The following TRAPPC10 variants were observed in gnomAD, a reference collection of about 807,000 sequenced individuals.
The protein encoded by TRAPPC10 is TRAPP 130 kDa subunit.
A neutral mutation model predicts 125.5 loss-of-function variants in TRAPPC10; 23 were observed. The observed-to-expected ratio is 0.18, with a 90% CI of 0.13 to 0.26. The LOEUF (loss-of-function observed/expected upper bound fraction) is 0.26, where lower values mean the gene tolerates loss of function less well. Ranked by LOEUF, TRAPPC10 falls within the 10% of genes least tolerant of loss-of-function variation. The pLI is 1.00. For missense variants in TRAPPC10, 1,123 were observed against 1,308.4 expected (o/e 0.86, Z 2.19); for synonymous variants, 509 against 518.0 (o/e 0.98, Z 0.24).
At position 44,087,248 on chromosome 21, in the gene TRAPPC10, C is replaced by T. The variant is rs1012816799; in HGVS notation, c.2539+288C>T. Among the ~76,000 whole-genome samples, 1 of 152,136 alleles carries T rather than the reference C, an allele frequency of 6.6e-6. No homozygotes were observed. The highest frequency in any genetic ancestry group is 1.5e-5 in the Non-Finnish European group (1 of 68,018). On this transcript the variant is annotated intron_variant, in intron 16 of 22. Transcript: ENST00000291574. The surrounding 1 kb of genome is among the most constrained non-coding windows in gnomAD (Gnocchi z 4.6). The stretch of plus-strand genomic sequence containing the variant: ...ACGTTCCATGGTGATGCCTGCCAGA[C>T]CCTGTCCCCCTTGGGCTGGCCCTGC...
intron 3 of TRAPPC10, among the ~76,000 whole-genome samples, chr21:44,042,649 C>T (rs1453707521): frequency 6.6e-6 from 1 of 152,092 alleles, no homozygotes; most frequent in South Asian, 2.1e-4. Flanking sequence ...TATCTTACTG[C>T]TTGTGTTGTT....
At chr21:44,065,966 C>G (rs946975254) in intron 7 of TRAPPC10, among the ~76,000 whole-genome samples, 2 of 152,336 alleles carry the variant, frequency 1.3e-5, no homozygotes, top group East Asian at 3.9e-4. Flanking sequence ...TCCCAAAGTG[C>G]TGGGATTACA....
At chr21:44,056,902 G>A (rs1003045158) in intron 5 of TRAPPC10, among the ~76,000 whole-genome samples, 4 of 152,072 alleles carry the variant, frequency 2.6e-5, no homozygotes, top group African/African-American at 9.7e-5. Flanking sequence ...CATATAAGAT[G>A]GCAATGTTTA....
chr21:44,018,315 G>A (rs888540210), intron 1 of TRAPPC10, among the ~76,000 whole-genome samples: 1 of 152,056 alleles, frequency 6.6e-6, no homozygotes. Context: ...CGAGGCGGGA[G>A]GATCACTTGG....
At chr21:44,076,194 A>G (rs904626535) in intron 9 of TRAPPC10, among the ~76,000 whole-genome samples, 13 of 152,250 alleles carry the variant, frequency 8.5e-5, no homozygotes, top group African/African-American at 2.9e-4. Flanking sequence ...TAGTAAATTG[A>G]ATAAATGTTT....
chr21:44,066,046 A>AT (rs963113961), intron 7 of TRAPPC10, among the ~76,000 whole-genome samples: 2 of 151,708 alleles, frequency 1.3e-5, no homozygotes, highest in African/African-American at 2.4e-5. Flanking sequence ...AGTTGTTAGG[A>AT]TTTTTTGGTG....
chr21:44,031,945 G>T (rs545019524), intron 1 of TRAPPC10, 146 bp from the exon 2 acceptor site: 454 of 673,226 alleles, frequency 6.7e-4, no homozygotes, highest in South Asian at 2.8e-3. Context: ...GACGTGTTAT[G>T]TAGAGGCACA....
chr21:44,096,092 T>C (rs1401098889), intron 20 of TRAPPC10, among the ~76,000 whole-genome samples: 1 of 55,646 alleles, frequency 1.8e-5, no homozygotes, highest in Non-Finnish European at 3.6e-5. Context: ...GTGTTTTTGG[T>C]TGTGGCTGTC....
intron 12 of TRAPPC10, 100 bp from the exon 13 acceptor site, chr21:44,079,915 G>A: frequency 1.7e-6 from 2 of 1,182,114 alleles, no homozygotes; most frequent in African/African-American, 1.6e-5. Context: ...AAGCCCTTTG[G>A]CTTTTGAAGC....
intron 15 of TRAPPC10, among the ~76,000 whole-genome samples, chr21:44,084,558 T>C (rs550784344): frequency 6.6e-6 from 1 of 152,330 alleles, no homozygotes; most frequent in East Asian, 1.9e-4. Flanking sequence ...TTTTTTTCTA[T>C]TGGCTCACTC....
At chr21:44,086,249 C>CCTT (rs1359858064) in intron 15 of TRAPPC10, among the ~76,000 whole-genome samples, 1 of 152,224 alleles carries the variant, frequency 6.6e-6, no homozygotes, top group African/African-American at 2.4e-5. Flanking sequence ...ATCTTGCCTG[C>CCTT]CTTCTGTCTT....
chr21:44,032,530 G>A (rs2033670857), intron 2 of TRAPPC10, among the ~76,000 whole-genome samples: 1 of 151,996 alleles, frequency 6.6e-6, no homozygotes, highest in South Asian at 2.1e-4. Context: ...TTACAGGTGT[G>A]CGCTACCGCA....
At position 44,091,905 on chromosome 21, in the gene TRAPPC10, T is replaced by C. The variant is rs761250895; in HGVS notation, c.2871-18T>C. ...GTTCTTACATATCAAAATAATACTT[T>C]TTGTTTTTCCACTTTAGGAAATATG... On this transcript the variant is annotated intron_variant, in intron 18 of 22. Transcript: ENST00000291574. 3 of 1,611,514 alleles carry C rather than the reference T, an allele frequency of 1.9e-6. No individual in the cohort carries two copies. In the African/African-American group the frequency reaches 4.0e-5, roughly 22 times the overall value.
chr21:44,086,310 T>C (rs2038127931), intron 15 of TRAPPC10, among the ~76,000 whole-genome samples: 1 of 152,232 alleles, frequency 6.6e-6, no homozygotes, highest in Non-Finnish European at 1.5e-5. Context: ...CTCTCATTGC[T>C]GTCTTGGAGT....
rs779869749 is a variant in TRAPPC10 at position 44,074,510 on chromosome 21, T to G, written c.1185+40T>G. Reference sequence around the variant, plus strand: ...AAGTGTGGAATGCTCACGTTGTCTCTGCGGCCATGCCTGGGTGGCGGAGGA... The same window carrying G: ...AAGTGTGGAATGCTCACGTTGTCTCGGCGGCCATGCCTGGGTGGCGGAGGA... On this transcript the variant is annotated intron_variant, in intron 8 of 22. Coordinates refer to ENST00000291574, the MANE Select transcript of TRAPPC10 (RefSeq NM_003274.5). 2.5e-6 allele frequency: 4 copies of G among 1,612,166 alleles called. No individual in the cohort carries two copies. The South Asian group carries it at 3.3e-5, about 13-fold the overall frequency.
At chr21:44,033,736 G>T (rs1053011674) in intron 2 of TRAPPC10, among the ~76,000 whole-genome samples, 1 of 152,128 alleles carries the variant, frequency 6.6e-6, no homozygotes, top group African/African-American at 2.4e-5. Flanking sequence ...GGTGGTGCAC[G>T]CCTGTAGTCC....
Position 44,086,908 on chromosome 21 carries a change from G to T in TRAPPC10, c.2487G>T (p.Met829Ile). 6.2e-7 allele frequency: 1 copy of T among 1,614,216 alleles called. No individual in the cohort carries two copies. Among genetic ancestry groups the T allele is most frequent in the East Asian group, 2.2e-5 (1 of 44,882 alleles). ...DSLQLSNAEA[M>I]LILCQAESRA... ...TGCAGCTTAGCAATGCCGAAGCCATGCTCATCCTGTGCCAGGCGGAGAGCA... is the reference window on the plus strand; with the variant it reads ...TGCAGCTTAGCAATGCCGAAGCCATTCTCATCCTGTGCCAGGCGGAGAGCA... The change falls in exon 16 of 23, where the codon ATG becomes ATT. Residue 829 changes from methionine (M) to isoleucine (I), a missense_variant. Physicochemically the swap from Met to Ile is conservative, Grantham distance 10. Around this residue, in one of 4 missense-constraint regions of TRAPPC10, gnomAD observed 840 missense variants for 902.0 expected, o/e 0.93. Transcript: ENST00000291574.
intron 4 of TRAPPC10, among the ~76,000 whole-genome samples, chr21:44,054,928 G>A (rs541820019): frequency 6.6e-6 from 1 of 152,324 alleles, no homozygotes; most frequent in East Asian, 1.9e-4. Context: ...ATGTTCTCAT[G>A]AAGAGAGGAG....
chr21:44,042,543 G>A (rs185029154), intron 3 of TRAPPC10, among the ~76,000 whole-genome samples: 18 of 152,256 alleles, frequency 1.2e-4, no homozygotes, highest in African/African-American at 4.3e-4. Context: ...TGACTGTTGT[G>A]TGACCTAATA....
Sources: allele counts gnomAD v4.1 joint callset (sites outside exome capture counted in the v4.1 genomes callset), GRCh38; gene constraint gnomAD v4.1.1; regional missense constraint gnomAD v4.1.1; non-coding constraint Gnocchi (gnomAD v3.1); transcripts MANE v1.5; gene names NCBI Gene and HGNC (gene_info 2026-07-23, HGNC 2026-07-21).